The following CCNE1 variants were observed in gnomAD, a reference collection of about 807,000 sequenced individuals.
The protein encoded by CCNE1 is G1/S-specific cyclin-E1.
In CCNE1, 8 loss-of-function variants were observed where a neutral mutation model predicts 54.1. That is an observed-to-expected ratio of 0.15 (90% CI 0.09 to 0.27). The LOEUF is 0.27. CCNE1 is among the 10% of genes least tolerant of loss of function. The pLI, the probability that CCNE1 is intolerant of heterozygous loss-of-function variation, is 1.00. For synonymous variants in CCNE1, 179 were observed against 185.2 expected (o/e 0.97, Z 0.27); for missense variants, 430 against 514.9 (o/e 0.84, Z 1.60).
rs1029777496 is a variant in CCNE1, at chr19:29,817,401, T to C, written c.327-5T>C. 6.2e-6 allele frequency: 10 copies of C among 1,614,062 alleles called. No homozygotes were observed. The highest frequency in any genetic ancestry group is 1.6e-4 in the Middle Eastern group (1 of 6,084). On this transcript the variant is annotated splice_region_variant and splice_polypyrimidine_tract_variant and intron_variant, in intron 5 of 11. Coordinates refer to ENST00000262643, the MANE Select transcript of CCNE1 (RefSeq NM_001238.4). ...GCCTCATTTTTGTTGTGTGTTTTGT[T>C]GTAGCTGGGCAAATAGAGAGGAAGT... is the stretch of plus-strand genomic sequence containing the variant.
Position 29,824,078 on chromosome 19 carries a change from T to C in CCNE1, c.*301T>C. On this transcript the variant is annotated 3_prime_UTR_variant, in exon 12 of 12. Transcript: ENST00000262643. The stretch of plus-strand genomic sequence containing the variant: ...AGGGACTCCCACAACAACAAAAGCT[T>C]GAAGCTGTGGAGGGCCACGGTGGCG... 1 of 308,472 alleles carries C rather than the reference T, an allele frequency of 3.2e-6. No individual in the cohort carries two copies. Among genetic ancestry groups the C allele is most frequent in the East Asian group, 4.8e-5 (1 of 20,874 alleles). 19.1% of individuals were successfully genotyped at this position (308,472 alleles called of 1,614,324 possible).
intron 4 of CCNE1, chr19:29,813,413 G>C (rs949650472): frequency 5.0e-6 from 1 of 198,518 alleles, no homozygotes; most frequent in African/African-American, 2.3e-5. Flanking sequence ...TCTCGGCCTT[G>C]TCTGTAAAAG....
intron 4 of CCNE1, among the ~76,000 whole-genome samples, chr19:29,814,711 A>G (rs1336889855): frequency 6.6e-6 from 1 of 152,172 alleles, no homozygotes; most frequent in African/African-American, 2.4e-5. Flanking sequence ...CCCCAGTACG[A>G]CAGTCTTGAG....
In CCNE1 at chr19:29,823,854, C is replaced by T. The variant is rs202195306; in HGVS notation, c.*77C>T. The T allele has an allele frequency of 1.0e-5, 15 of 1,437,610 alleles. No homozygotes were observed. The highest frequency in any genetic ancestry group is 8.5e-5 in the African/African-American group (6 of 70,304). 89.1% of individuals were successfully genotyped at this position (1,437,610 alleles called of 1,614,324 possible). ...TTCTGTCTGTTGCAGCGGAGGCGTG[C>T]GTTTGCTTTTACAGATATCTGAATG... On this transcript the variant is annotated 3_prime_UTR_variant, in exon 12 of 12. Transcript: ENST00000262643.
rs1974167000 is a variant in CCNE1, at chr19:29,822,257, C to T, written c.858C>T (p.Val286=). 1 of 1,613,848 alleles carries T rather than the reference C, an allele frequency of 6.2e-7. No individual in the cohort carries two copies. Among genetic ancestry groups the T allele is most frequent in the Admixed American group, 1.7e-5 (1 of 60,010 alleles). Residue 286 remains valine, a synonymous_variant, in exon 10 of 12, where the codon GTC becomes GTT. Coordinates refer to ENST00000262643, the MANE Select transcript of CCNE1 (RefSeq NM_001238.4). The part of the protein sequence containing the change: ...IQIAELLDLC[V]LDVDCLEFPY... The stretch of plus-strand genomic sequence containing the variant: ...CTCCGTAGCTGTTGGATCTCTGTGT[C>T]CTGGATGTTGACTGCCTTGAATTTC...
At chr19:29,819,442 C>T (rs1162078778) in intron 6 of CCNE1, among the ~76,000 whole-genome samples, 2 of 151,894 alleles carry the variant, frequency 1.3e-5, no homozygotes, top group Admixed American at 1.3e-4. Context: ...GCCACTACTC[C>T]CTGCCGATTT....
chr19:29,822,415 T>G (rs1420281190), intron 10 of CCNE1, 31 bp from the exon 11 acceptor site: 2 of 1,613,908 alleles, frequency 1.2e-6, no homozygotes, highest in African/African-American at 2.7e-5. Context: ...GTTGTCAGCC[T>G]CAGATTAAGC....
rs1375849036 is a variant in CCNE1, at chr19:29,824,208, T to C, written c.*431T>C. The C allele has an allele frequency of 2.4e-5, 6 of 248,574 alleles. No individual in the cohort carries two copies. Among genetic ancestry groups the C allele is most frequent in the Non-Finnish European group, 4.7e-5 (6 of 128,380 alleles). 15.4% of individuals were successfully genotyped at this position (248,574 alleles called of 1,614,324 possible). A position where few individuals can be genotyped will look rare whatever the true frequency, so the allele number is the denominator to read the frequency against. On this transcript the variant is annotated 3_prime_UTR_variant, in exon 12 of 12. Transcript: ENST00000262643. Reference sequence around the variant, plus strand: ...TAGCCAGCTGGGCAGGGGGCTGCCCTCTCCACATTATCAGTTGACAGTGTA... The same window carrying C: ...TAGCCAGCTGGGCAGGGGGCTGCCCCCTCCACATTATCAGTTGACAGTGTA...
chr19:29,817,857 CTTTTTTT>C (rs34598025), intron 6 of CCNE1, among the ~76,000 whole-genome samples: 3 of 95,912 alleles, frequency 3.1e-5, no homozygotes, highest in African/African-American at 8.4e-5. Flanking sequence ...CATTAAATTG[CTTTTTTT>C]TTTTTTTTTT....
rs1327210726 is a variant in CCNE1 at position 29,822,646 on chromosome 19, TA to T, written c.1110+47del. On this transcript the variant is annotated intron_variant, in intron 11 of 11. Transcript: ENST00000262643. ...TTTCAGTCCTTCTTGGCCAAATTCTTAAAACTGCCTAAATAGGCCAGCCGCG... is the reference window on the plus strand; with the variant it reads ...TTTCAGTCCTTCTTGGCCAAATTCTTAAACTGCCTAAATAGGCCAGCCGCG... The T allele has an allele frequency of 6.4e-6, 10 of 1,571,954 alleles. No individual in the cohort carries two copies. The South Asian group carries it at 1.2e-4, about 18-fold the overall frequency.
At position 29,823,747 on chromosome 19, in the gene CCNE1, G is replaced by C; in HGVS notation, c.1203G>C (p.Lys401Asn). 2 of 1,614,054 alleles carry C rather than the reference G, an allele frequency of 1.2e-6. No individual in the cohort carries two copies. Among genetic ancestry groups the C allele is most frequent in the Non-Finnish European group, 1.7e-6 (2 of 1,179,980 alleles). The stretch of plus-strand genomic sequence containing the variant: ...TCCTCACCCCGCCACAGAGCGGTAA[G>C]AAGCAGAGCAGCGGGCCGGAAATGG... ...SGLLTPPQSG[K>N]KQSSGPEMA The change falls in exon 12 of 12, where the codon AAG (lysine) becomes AAC (asparagine). Residue 401 changes from lysine to asparagine, a missense_variant. By Grantham distance (94) the Lys-to-Asn change is moderately conservative. This residue lies in a region of CCNE1 where 303 missense variants were observed against 401.1 expected (regional missense o/e 0.76). Transcript: ENST00000262643.
chr19:29,822,772 T>C (rs978632250), intron 11 of CCNE1, among the ~76,000 whole-genome samples, 169 bp downstream of exon 11: 3 of 151,950 alleles, frequency 2.0e-5, no homozygotes, highest in African/African-American at 7.3e-5. Flanking sequence ...GGTGAAACCT[T>C]GTCTCTACTA....
Position 29,813,033 on chromosome 19 carries a change from G to A in CCNE1, c.176G>A (p.Ser59Asn), listed in dbSNP as rs1384503695. ...AGGACGGCGAGGGACCAGTGTGGGA[G>A]CCAGGTAGGTCCGCCCGGGGTTGGG... is the stretch of plus-strand genomic sequence containing the variant. ...IDRTARDQCG[S>N]QPWDNNAVCA... is the part of the protein sequence containing the mutation. Residue 59 changes from serine to asparagine, a missense_variant, in exon 4 of 12, where the codon AGC (serine) becomes AAC (asparagine). By Grantham distance (46) the Ser-to-Asn change is conservative. Coordinates refer to ENST00000262643, the MANE Select transcript of CCNE1 (RefSeq NM_001238.4). 1 of 1,614,196 alleles carries A rather than the reference G, an allele frequency of 6.2e-7. No homozygotes were observed. Among genetic ancestry groups the A allele is most frequent in the Admixed American group, 1.7e-5 (1 of 60,030 alleles).
rs754856510 is a variant in CCNE1 at position 29,812,731 on chromosome 19, G to C, written c.66G>C (p.Ala22=). The C allele has an allele frequency of 1.3e-6, 2 of 1,595,512 alleles. No homozygotes were observed. The highest frequency in any genetic ancestry group is 1.7e-6 in the Non-Finnish European group (2 of 1,172,950). ...ACACCATGAAGGAGGACGGCGGCGC[G>C]GAGTTCTCGGCTCGCTCCAGGAAGA... ...ERDTMKEDGG[A]EFSARSRKRK... is the part of the protein sequence containing the mutation. Residue 22 remains alanine (A), a synonymous_variant, in exon 3 of 12, where the codon GCG becomes GCC. Coordinates refer to ENST00000262643, the MANE Select transcript of CCNE1 (RefSeq NM_001238.4).
intron 2 of CCNE1, 32 bp downstream of exon 2, chr19:29,812,610 C>T (rs1480886314): frequency 1.3e-6 from 2 of 1,537,116 alleles, no homozygotes; most frequent in South Asian, 2.4e-5. Flanking sequence ...CCGGACGGGA[C>T]GGGACGGGAC....
chr19:29,812,536 C>G lies in CCNE1; in HGVS notation c.-20C>G. The stretch of plus-strand genomic sequence containing the variant: ...TCACCCCGCGCCGCCCCGCAGGCCT[C>G]AGGCCGGAGCAGCCCCATCATGCCG... On this transcript the variant is annotated 5_prime_UTR_variant, in exon 2 of 12. Coordinates refer to ENST00000262643, the MANE Select transcript of CCNE1 (RefSeq NM_001238.4). The G allele has an allele frequency of 7.0e-7, 1 of 1,424,502 alleles. No homozygotes were observed. The highest frequency in any genetic ancestry group is 9.1e-7 in the Non-Finnish European group (1 of 1,097,842). The allele number at this position is 1,424,502 out of a possible 1,614,324, so 88.2% of individuals were successfully genotyped here. A position where few individuals can be genotyped will look rare whatever the true frequency, so the allele number is the denominator to read the frequency against.
intron 4 of CCNE1, 135 bp downstream of exon 4, chr19:29,813,172 G>A (rs1482020361): frequency 1.3e-6 from 1 of 751,788 alleles, no homozygotes; most frequent in Non-Finnish European, 2.2e-6. Context: ...AGCCCATATG[G>A]CCCAGCACTG....
chr19:29,816,291 A>G (rs934454482), intron 4 of CCNE1, among the ~76,000 whole-genome samples: 2 of 152,222 alleles, frequency 1.3e-5, no homozygotes, highest in African/African-American at 4.8e-5. Flanking sequence ...TAGAGTAGGA[A>G]TAGCTTTAAA....
chr19:29,813,778 G>A (rs1370151270), intron 4 of CCNE1, among the ~76,000 whole-genome samples: 1 of 152,180 alleles, frequency 6.6e-6, no homozygotes, highest in Non-Finnish European at 1.5e-5. Context: ...GTTTCTTGCA[G>A]AAAAAGCTTG....
Sources: gnomAD v4.1 joint callset for allele counts (sites outside exome capture counted in the v4.1 genomes callset) on GRCh38, gnomAD v4.1.1 for gene constraint, gnomAD v4.1.1 regional missense constraint, MANE v1.5 for transcripts, NCBI Gene and HGNC (gene_info 2026-07-23, HGNC 2026-07-21) for gene names.